MRTFA: variants seen among roughly 807,000 people sequenced by gnomAD.
MRTFA encodes the protein myocardin related transcription factor A.
A neutral mutation model predicts 83.5 loss-of-function variants in MRTFA; 20 were observed. The observed-to-expected ratio is 0.24, with a 90% CI of 0.17 to 0.35. The LOEUF is 0.35. MRTFA is among the 10% of genes least tolerant of loss of function. The probability of loss-of-function intolerance (pLI) is 1.00; values close to 1 mark genes in which losing one functional copy is unlikely to be tolerated. For synonymous variants in MRTFA, 659 were observed against 541.2 expected (o/e 1.22, Z -3.02); for missense variants, 1,200 against 1,224.7 (o/e 0.98, Z 0.30).
At chr22:40,595,116 C>CT (rs778797295) in intron 1 of MRTFA, among the ~76,000 whole-genome samples, 12,231 of 119,216 alleles carry the variant, frequency 0.1, 835 homozygotes, top group East Asian at 0.21. Flanking sequence ...TGATAAATGC[C>CT]TTTTTTTTTT....
chr22:40,465,130 T>A (rs1366686724), intron 3 of MRTFA, among the ~76,000 whole-genome samples: 1 of 152,228 alleles, frequency 6.6e-6, no homozygotes, highest in Non-Finnish European at 1.5e-5. Context: ...CAGCATTCAG[T>A]TACTCTAGGC....
At chr22:40,421,138 C>A (rs377652430) in intron 9 of MRTFA, 38 bp from the exon 10 acceptor site, 93 of 1,505,448 alleles carry the variant, frequency 6.2e-5, no homozygotes, top group Middle Eastern at 3.6e-4. Flanking sequence ...TCAGGGGCAG[C>A]CTCAGGCTTC....
intron 1 of MRTFA, among the ~76,000 whole-genome samples, chr22:40,598,265 T>C (rs945997166): frequency 6.6e-6 from 1 of 151,746 alleles, no homozygotes; most frequent in African/African-American, 2.4e-5. Flanking sequence ...CCATCTTATA[T>C]AAAGGTTGTT....
intron 4 of MRTFA, among the ~76,000 whole-genome samples, chr22:40,449,438 C>T (rs1404048856): frequency 6.6e-6 from 1 of 152,018 alleles, no homozygotes; most frequent in African/African-American, 2.4e-5. Context: ...CAGTCCACAG[C>T]CCAGGGTTTC....
At chr22:40,492,677 C>T (rs1286167495) in intron 3 of MRTFA, among the ~76,000 whole-genome samples, 2 of 152,116 alleles carry the variant, frequency 1.3e-5, no homozygotes, top group South Asian at 2.1e-4. Context: ...TATAACACAA[C>T]ATTATTTTAC....
chr22:40,620,423 C>CT (rs747409456), intron 1 of MRTFA, among the ~76,000 whole-genome samples: 1,894 of 94,206 alleles, frequency 0.02, 74 homozygotes, highest in African/African-American at 0.048. Flanking sequence ...AACATGCAGT[C>CT]TTTTTTTTTT....
intron 1 of MRTFA, among the ~76,000 whole-genome samples, chr22:40,604,991 AT>A (rs1227146979): frequency 6.6e-6 from 1 of 152,178 alleles, no homozygotes; most frequent in Non-Finnish European, 1.5e-5. Flanking sequence ...AGGAGTTACC[AT>A]CTAAGTTAAA....
chr22:40,528,367 G>A (rs1474509654), intron 3 of MRTFA, among the ~76,000 whole-genome samples: 1 of 152,094 alleles, frequency 6.6e-6, no homozygotes, highest in Non-Finnish European at 1.5e-5. Context: ...TTTGAAATGG[G>A]TAAATTTCCT....
intron 1 of MRTFA, among the ~76,000 whole-genome samples, chr22:40,631,197 A>G (rs111286129): frequency 2.7e-4 from 41 of 152,310 alleles, no homozygotes; most frequent in African/African-American, 9.4e-4. Flanking sequence ...TTGATGGTGA[A>G]GCAGCAATGG....
intron 1 of MRTFA, among the ~76,000 whole-genome samples, chr22:40,620,505 C>T (rs2056510143): frequency 6.7e-6 from 1 of 149,220 alleles, no homozygotes; most frequent in Non-Finnish European, 1.5e-5. Context: ...AACTCCTGAC[C>T]TCAGGTGATC....
intron 2 of MRTFA, among the ~76,000 whole-genome samples, chr22:40,575,039 T>A (rs945074066): frequency 6.6e-6 from 1 of 152,224 alleles, no homozygotes; most frequent in East Asian, 1.9e-4. Context: ...GAGGCAGTAT[T>A]GTGTGTTAGA....
intron 3 of MRTFA, among the ~76,000 whole-genome samples, chr22:40,530,937 A>G (rs1312014745): frequency 1.3e-5 from 2 of 152,206 alleles, no homozygotes; most frequent in African/African-American, 4.8e-5. Flanking sequence ...TCCAAATTTC[A>G]TCACTCTCAT....
intron 3 of MRTFA, among the ~76,000 whole-genome samples, chr22:40,478,883 G>T (rs556357290): frequency 1.3e-5 from 2 of 152,076 alleles, no homozygotes; most frequent in Non-Finnish European, 2.9e-5. Context: ...CCTAGCTGCT[G>T]TTCCACACAC....
intron 3 of MRTFA, among the ~76,000 whole-genome samples, chr22:40,543,155 A>C (rs1040721677): frequency 6.6e-6 from 1 of 152,202 alleles, no homozygotes; most frequent in Non-Finnish European, 1.5e-5. Flanking sequence ...TGGGCGACCT[A>C]ATCTAGAAAA....
At chr22:40,592,633 C>CACAT (rs2056138459) in intron 2 of MRTFA, among the ~76,000 whole-genome samples, 1 of 152,026 alleles carries the variant, frequency 6.6e-6, no homozygotes, top group African/African-American at 2.4e-5. Context: ...GGACTACAGG[C>CACAT]ACATGTCACC....
chr22:40,594,887 TAAAA>T (rs776075354), intron 1 of MRTFA, among the ~76,000 whole-genome samples, 152 bp from the exon 2 acceptor site: 4 of 104,998 alleles, frequency 3.8e-5, no homozygotes, highest in Admixed American at 2.1e-4. Flanking sequence ...TGTCACTGGT[TAAAA>T]AAAAAAAAAA....
chr22:40,503,772 C>T (rs1233569264), intron 3 of MRTFA, among the ~76,000 whole-genome samples: 1 of 152,056 alleles, frequency 6.6e-6, no homozygotes, highest in Admixed American at 6.6e-5. Flanking sequence ...ACTAAAAATA[C>T]TTAGCCAGGC....
At chr22:40,437,884 ACT>A (rs1229878680) in intron 4 of MRTFA, among the ~76,000 whole-genome samples, 6 of 151,974 alleles carry the variant, frequency 3.9e-5, no homozygotes, top group Admixed American at 3.9e-4. Context: ...TTTTTTAGTC[ACT>A]CACAGCATTC....
intron 2 of MRTFA, among the ~76,000 whole-genome samples, chr22:40,570,272 A>G (rs2147343376): frequency 6.6e-6 from 1 of 152,208 alleles, no homozygotes; most frequent in South Asian, 2.1e-4. Context: ...GATTTCTAGG[A>G]AATGTCCTTT....
Sources: gnomAD v4.1 joint callset for allele counts (sites outside exome capture counted in the v4.1 genomes callset) on GRCh38, gnomAD v4.1.1 for gene constraint, MANE v1.5 for transcripts, NCBI Gene and HGNC (gene_info 2026-07-23, HGNC 2026-07-21) for gene names.